Variants in ZFP91 observed in about 807,000 individuals in gnomAD.
ZFP91 encodes the protein E3 ubiquitin-protein ligase ZFP91.
In ZFP91, 7 loss-of-function variants were observed where a neutral mutation model predicts 63.5. That is an observed-to-expected ratio of 0.11 (90% CI 0.06 to 0.21). The LOEUF is 0.21. Among genes scored for constraint, ZFP91 ranks in the 10% least tolerant of loss-of-function variants. The probability of loss-of-function intolerance (pLI) is 1.00; values close to 1 mark genes in which losing one functional copy is unlikely to be tolerated. For missense variants in ZFP91, 628 were observed against 736.6 expected (o/e 0.85, Z 1.71); for synonymous variants, 330 against 272.1 (o/e 1.21, Z -2.10).
intron 2 of ZFP91, among the ~76,000 whole-genome samples, chr11:58,585,914 A>G (rs1287721994): frequency 6.6e-6 from 1 of 152,144 alleles, no homozygotes; most frequent in Admixed American, 6.5e-5. Flanking sequence ...TTCAATGCTA[A>G]GGTTTCTTAT....
At chr11:58,582,180 GGT>G (rs1855128576) in intron 1 of ZFP91, among the ~76,000 whole-genome samples, 1 of 152,104 alleles carries the variant, frequency 6.6e-6, no homozygotes, top group Non-Finnish European at 1.5e-5. Context: ...AGGACCTTGG[GGT>G]GTAAGGCAAA....
intron 2 of ZFP91, among the ~76,000 whole-genome samples, chr11:58,601,678 T>A (rs1229735159): frequency 3.3e-5 from 5 of 152,156 alleles, no homozygotes; most frequent in Non-Finnish European, 2.9e-5. Context: ...CTGCTTTCAC[T>A]GCATCCCCTA....
chr11:58,598,883 T>C (rs1171065139), intron 2 of ZFP91, among the ~76,000 whole-genome samples: 1 of 151,918 alleles, frequency 6.6e-6, no homozygotes, highest in Non-Finnish European at 1.5e-5. Context: ...TGTACAACCA[T>C]CACTTCTATC....
intron 2 of ZFP91, among the ~76,000 whole-genome samples, chr11:58,589,488 G>T (rs1855268251): frequency 6.6e-6 from 1 of 152,172 alleles, no homozygotes; most frequent in African/African-American, 2.4e-5. Context: ...ATACTACTGA[G>T]ATTGGCTAAT....
intron 8 of ZFP91, 80 bp from the exon 9 acceptor site, chr11:58,614,149 A>T: frequency 1.2e-6 from 1 of 841,956 alleles, no homozygotes; most frequent in Non-Finnish European, 1.8e-6. Context: ...TTCCTTCAGT[A>T]CTTTTGACTT....
In ZFP91 at chr11:58,617,653, C is replaced by T. The variant is rs1176139061; in HGVS notation, c.1660C>T (p.Leu554Phe). The stretch of plus-strand genomic sequence containing the variant: ...AGGGCTGGTTATGAACTCAGATATA[C>T]TCGGTGCTACCACAGAGGTTCTGAT... ...TEGLVMNSDILGATTEVLIED... is the reference protein window; with the variant it reads ...TEGLVMNSDIFGATTEVLIED... Residue 554 changes from leucine (L) to phenylalanine (F), a missense_variant, in exon 11 of 11, where the codon CTC becomes TTC. Leu to Phe is a conservative substitution (Grantham distance 22). Around this residue, in one of 3 missense-constraint regions of ZFP91, gnomAD observed 115 missense variants for 125.4 expected, o/e 0.92. Transcript: ENST00000316059. This position sits in a 1 kb window ranked among gnomAD's most constrained non-coding sequence, Gnocchi z 4.2. 1.4e-5 allele frequency: 22 copies of T among 1,554,264 alleles called. No homozygotes were observed. Among genetic ancestry groups the T allele is most frequent in the Non-Finnish European group, 1.8e-5 (21 of 1,152,018 alleles).
intron 2 of ZFP91, among the ~76,000 whole-genome samples, chr11:58,598,167 C>T (rs1855434003): frequency 6.6e-6 from 1 of 152,116 alleles, no homozygotes; most frequent in African/African-American, 2.4e-5. Flanking sequence ...CGTTTCTTTA[C>T]ATTTCTCTGG....
intron 2 of ZFP91, among the ~76,000 whole-genome samples, chr11:58,589,198 A>G (rs1294672727): frequency 2.0e-5 from 3 of 152,060 alleles, no homozygotes; most frequent in Non-Finnish European, 4.4e-5. Flanking sequence ...CAGCTTCCCA[A>G]GTAGCTGGGA....
At position 58,618,479 on chromosome 11, in the gene ZFP91, A is replaced by G; in HGVS notation, c.*773A>G. ...AGGGCTCTGTATCAGTGAGACGATGAGAAAAGTCCCAGGCTAATGGCAGAA... is the reference window on the plus strand; with the variant it reads ...AGGGCTCTGTATCAGTGAGACGATGGGAAAAGTCCCAGGCTAATGGCAGAA... On this transcript the variant is annotated 3_prime_UTR_variant, in exon 11 of 11. Coordinates refer to ENST00000316059, the MANE Select transcript of ZFP91 (RefSeq NM_053023.5). 2.7e-6 allele frequency: 1 copy of G among 366,048 alleles called. No individual in the cohort carries two copies. The highest frequency in any genetic ancestry group is 5.3e-6 in the Non-Finnish European group (1 of 188,920). 22.7% of individuals were successfully genotyped at this position (366,048 alleles called of 1,614,324 possible). A position where few individuals can be genotyped will look rare whatever the true frequency, so the allele number is the denominator to read the frequency against.
At position 58,598,279 on chromosome 11, in the gene ZFP91, T is replaced by C. The variant is rs141478286; in HGVS notation, c.371-11551T>C. Among the ~76,000 whole-genome samples the C allele has an allele frequency of 2.8e-3, 432 of 152,264 alleles. 4 individuals carry two copies. The highest frequency in any genetic ancestry group is 0.01 in the Middle Eastern group (3 of 294). ...TATATTTTACAGTAATGTCATCAAATAGAGTGGTATCTATAGTTTATGCAT... is the reference window on the plus strand; with the variant it reads ...TATATTTTACAGTAATGTCATCAAACAGAGTGGTATCTATAGTTTATGCAT... On this transcript the variant is annotated intron_variant, in intron 2 of 10. Transcript: ENST00000316059.
chr11:58,584,503 A>G (rs571415285), intron 1 of ZFP91, among the ~76,000 whole-genome samples: 2 of 152,240 alleles, frequency 1.3e-5, no homozygotes, highest in South Asian at 2.1e-4. Flanking sequence ...TTAATGTAAC[A>G]AAATTAGTAA....
chr11:58,616,513 C>T (rs1258618380), intron 9 of ZFP91, among the ~76,000 whole-genome samples: 1 of 151,662 alleles, frequency 6.6e-6, no homozygotes, highest in African/African-American at 2.4e-5. Flanking sequence ...TTTTTTTAAA[C>T]AGGTCCTTAT....
At chr11:58,610,672 G>C (rs558819292) in intron 4 of ZFP91, among the ~76,000 whole-genome samples, 1 of 152,276 alleles carries the variant, frequency 6.6e-6, no homozygotes, top group East Asian at 1.9e-4. Flanking sequence ...TTTTAATATA[G>C]CAGATCACCA....
At position 58,620,139 on chromosome 11, in the gene ZFP91, A is replaced by G. The variant is rs1020093452; in HGVS notation, c.*2433A>G. 11 of 152,230 alleles carry G rather than the reference A, an allele frequency of 7.2e-5. No individual in the cohort carries two copies. Among genetic ancestry groups the G allele is most frequent in the African/African-American group, 2.7e-4 (11 of 41,468 alleles). The allele number at this position is 152,230 out of a possible 1,614,324, so 9.4% of individuals were successfully genotyped here. ...TACTTTTTCTTTTCTTTTAGGGGTC[A>G]AGGACCCTCTTTATAGCTACCATTT... On this transcript the variant is annotated 3_prime_UTR_variant, in exon 11 of 11. Coordinates refer to ENST00000316059, the MANE Select transcript of ZFP91 (RefSeq NM_053023.5).
At chr11:58,597,356 C>T (rs2509916) in intron 2 of ZFP91, among the ~76,000 whole-genome samples, 73,652 of 151,880 alleles carry the variant, frequency 0.48, 18,698 homozygotes, top group African/African-American at 0.65. Flanking sequence ...ATAAATGTCT[C>T]TTGTGGCATT....
Position 58,617,164 on chromosome 11 carries a change from G to A in ZFP91, c.1203-32G>A, listed in dbSNP as rs1855763647. 6.5e-7 allele frequency: 1 copy of A among 1,536,440 alleles called. No individual in the cohort carries two copies. The highest frequency in any genetic ancestry group is 8.7e-7 in the Non-Finnish European group (1 of 1,146,640). On this transcript the variant is annotated intron_variant, in intron 10 of 10. Transcript: ENST00000316059. The surrounding 1 kb of genome is among the most constrained non-coding windows in gnomAD (Gnocchi z 4.2). ...TAAGAGCACTCTTTATTTCTCTGTT[G>A]GATCAGCCATTTCCTTTTCTCCTCT...
Position 58,611,912 on chromosome 11 carries a change from A to T in ZFP91, c.857+174A>T, listed in dbSNP as rs886739343. ...CAATTTCACTGGAGAGACTCTTAGTAAAAAAATGTTTAGGTTTTTCAGTTC... is the reference window on the plus strand; with the variant it reads ...CAATTTCACTGGAGAGACTCTTAGTTAAAAAATGTTTAGGTTTTTCAGTTC... On this transcript the variant is annotated intron_variant, in intron 6 of 10. Transcript: ENST00000316059. The T allele has an allele frequency of 4.4e-6, 3 of 688,060 alleles. No individual in the cohort carries two copies. In the Admixed American group the frequency reaches 1.0e-4, roughly 23 times the overall value. The allele number at this position is 688,060 out of a possible 1,614,324, so 42.6% of individuals were successfully genotyped here.
chr11:58,611,357 T>A, intron 5 of ZFP91: 1 of 517,500 alleles, frequency 1.9e-6, no homozygotes, highest in Admixed American at 3.7e-5. Flanking sequence ...CTCGTTTCTC[T>A]TTACAATTAT....
chr11:58,594,518 A>T (rs1855363727), intron 2 of ZFP91, among the ~76,000 whole-genome samples: 1 of 152,216 alleles, frequency 6.6e-6, no homozygotes, highest in Non-Finnish European at 1.5e-5. Flanking sequence ...TAATGCCTAT[A>T]CTTTGAACTT....
Sources: gnomAD v4.1 joint callset for allele counts (sites outside exome capture counted in the v4.1 genomes callset) on GRCh38, gnomAD v4.1.1 for gene constraint, gnomAD v4.1.1 regional missense constraint, Gnocchi (gnomAD v3.1) non-coding constraint, MANE v1.5 for transcripts, NCBI Gene and HGNC (gene_info 2026-07-23, HGNC 2026-07-21) for gene names.